LYPD6: variants seen among roughly 807,000 people sequenced by gnomAD.
LYPD6 encodes the protein LY6/PLAUR domain containing 6.
Under a neutral mutation model 22.7 loss-of-function variants are expected in LYPD6, and 15 were observed. That is an observed-to-expected ratio of 0.66 (90% CI 0.44 to 1.02). The LOEUF (loss-of-function observed/expected upper bound fraction) is 1.02, where lower values mean the gene tolerates loss of function less well. Ranked by LOEUF, LYPD6 falls within the 50% of genes least tolerant of loss-of-function variation. The pLI is 0.00. For synonymous variants in LYPD6, 72 were observed against 77.5 expected (o/e 0.93, Z 0.37); for missense variants, 189 against 208.4 (o/e 0.91, Z 0.57).
intron 1 of LYPD6, among the ~76,000 whole-genome samples, chr2:149,429,510 C>T (rs1053125190): frequency 6.6e-6 from 1 of 152,226 alleles, no homozygotes; most frequent in Admixed American, 6.5e-5. Flanking sequence ...TACCTTACAA[C>T]CAATGTGTTC....
At chr2:149,399,751 GAAAT>G (rs951014318) in intron 1 of LYPD6, among the ~76,000 whole-genome samples, 4 of 151,410 alleles carry the variant, frequency 2.6e-5, no homozygotes, top group East Asian at 1.9e-4. Flanking sequence ...AGTACATAAT[GAAAT>G]AAATAAAATC....
chr2:149,461,228 AAC>A (rs1164218322), intron 3 of LYPD6, among the ~76,000 whole-genome samples: 4 of 152,032 alleles, frequency 2.6e-5, no homozygotes, highest in Admixed American at 2.6e-4. Context: ...AATGGAGAAA[AAC>A]ATTAAGGTAC....
chr2:149,363,526 G>A (rs1681607788), intron 1 of LYPD6, among the ~76,000 whole-genome samples: 1 of 152,146 alleles, frequency 6.6e-6, no homozygotes, highest in Admixed American at 6.6e-5. Flanking sequence ...TGCAATTTAT[G>A]TGTGCTGTCC....
chr2:149,361,971 C>T (rs943458138), intron 1 of LYPD6, among the ~76,000 whole-genome samples: 1 of 152,062 alleles, frequency 6.6e-6, no homozygotes, highest in Non-Finnish European at 1.5e-5. Flanking sequence ...CAATGATGTG[C>T]TTTGAAGGTA....
At chr2:149,440,693 C>CG (rs1683543576) in intron 2 of LYPD6, among the ~76,000 whole-genome samples, 1 of 91,070 alleles carries the variant, frequency 1.1e-5, no homozygotes, top group African/African-American at 5.3e-5. Flanking sequence ...TTCTGTCCAC[C>CG]TTTTTTTTTT....
chr2:149,413,641 T>C (rs1403616164), intron 1 of LYPD6, among the ~76,000 whole-genome samples: 1 of 152,232 alleles, frequency 6.6e-6, no homozygotes, highest in Non-Finnish European at 1.5e-5. Context: ...TACCTATTGA[T>C]TGGCCTTTTA....
intron 1 of LYPD6, among the ~76,000 whole-genome samples, chr2:149,396,220 T>C (rs1385599087): frequency 2.0e-5 from 3 of 152,136 alleles, no homozygotes; most frequent in African/African-American, 7.2e-5. Flanking sequence ...AAATCAACTG[T>C]TTTTGCCCTC....
chr2:149,463,933 G>A (rs1440552417), intron 3 of LYPD6, among the ~76,000 whole-genome samples: 1 of 152,058 alleles, frequency 6.6e-6, no homozygotes, highest in African/African-American at 2.4e-5. Flanking sequence ...CCTTATGGCT[G>A]TGGAGAAGTT....
At chr2:149,381,222 C>T (rs1391595610) in intron 1 of LYPD6, among the ~76,000 whole-genome samples, 1 of 152,112 alleles carries the variant, frequency 6.6e-6, no homozygotes, top group Non-Finnish European at 1.5e-5. Context: ...GAACTTCAGT[C>T]AGGAGGATTC....
At chr2:149,481,218 C>T in the LYPD6 span, among the ~76,000 whole-genome samples, 1 of 152,192 alleles carries the variant, frequency 6.6e-6, no homozygotes, top group Non-Finnish European at 1.5e-5. Context: ...AATCTCAAGG[C>T]ATCACAGCTA....
At chr2:149,420,278 C>G (rs1683050538) in intron 1 of LYPD6, among the ~76,000 whole-genome samples, 1 of 152,208 alleles carries the variant, frequency 6.6e-6, no homozygotes, top group Non-Finnish European at 1.5e-5. Flanking sequence ...TCACCCTGCT[C>G]TTTGTAGCAG....
chr2:149,398,287 T>C (rs1287631228), intron 1 of LYPD6, among the ~76,000 whole-genome samples: 1 of 152,152 alleles, frequency 6.6e-6, no homozygotes, highest in Non-Finnish European at 1.5e-5. Flanking sequence ...TTTTCTCTAT[T>C]ATTTGCTTGG....
intron 1 of LYPD6, among the ~76,000 whole-genome samples, chr2:149,397,893 T>C (rs1280279191): frequency 6.6e-6 from 1 of 151,760 alleles, no homozygotes; most frequent in African/African-American, 2.4e-5. Context: ...CCTTTGGAGG[T>C]TCTAGAAAAT....
chr2:149,419,567 C>T (rs745419782), intron 1 of LYPD6, among the ~76,000 whole-genome samples: 23 of 152,160 alleles, frequency 1.5e-4, no homozygotes, highest in South Asian at 2.1e-4. Flanking sequence ...AGAACATTTC[C>T]GTCATTACAG....
downstream of LYPD6, among the ~76,000 whole-genome samples, chr2:149,477,190 T>G (rs1681460115): frequency 6.6e-6 from 1 of 152,228 alleles, no homozygotes; most frequent in Non-Finnish European, 1.5e-5. Context: ...ACCTTGTGTA[T>G]GTTTTGCCAC....
In LYPD6 at chr2:149,468,868, C is replaced by T. The variant is rs540790348; in HGVS notation, c.348+93C>T. On this transcript the variant is annotated intron_variant, in intron 4 of 4. Transcript: ENST00000334166. ...ACTCATGAGCAGATTCTTACTCCCC[C>T]GTGAAGGCTGTCTTTTGATTGTCTT... 2.3e-5 allele frequency: 30 copies of T among 1,327,672 alleles called. No homozygotes were observed. In the Middle Eastern group the frequency reaches 7.8e-4, roughly 35 times the overall value. 82.2% of individuals were successfully genotyped at this position (1,327,672 alleles called of 1,614,324 possible).
At chr2:149,466,320 C>T (rs1299819401) in intron 3 of LYPD6, among the ~76,000 whole-genome samples, 4 of 152,152 alleles carry the variant, frequency 2.6e-5, no homozygotes, top group Non-Finnish European at 5.9e-5. Flanking sequence ...TCATAACTCA[C>T]CTAGGGTTTT....
At chr2:149,377,072 C>T (rs1315713077) in intron 1 of LYPD6, among the ~76,000 whole-genome samples, 3 of 152,188 alleles carry the variant, frequency 2.0e-5, no homozygotes, top group Non-Finnish European at 2.9e-5. Flanking sequence ...ACTGTCTTAA[C>T]CAGGGTCTGG....
intron 3 of LYPD6, among the ~76,000 whole-genome samples, chr2:149,455,359 C>T (rs1480295384): frequency 5.3e-5 from 8 of 151,074 alleles, no homozygotes; most frequent in Admixed American, 6.6e-5. Context: ...CCTGGGTTCA[C>T]GCCATTCTTC....
Sources: gnomAD v4.1 joint callset for allele counts (sites outside exome capture counted in the v4.1 genomes callset) on GRCh38, gnomAD v4.1.1 for gene constraint, MANE v1.5 for transcripts, NCBI Gene and HGNC (gene_info 2026-07-23, HGNC 2026-07-21) for gene names.